ACCSL: variants seen among roughly 807,000 people sequenced by gnomAD.
The protein encoded by ACCSL is 1-aminocyclopropane-1-carboxylate synthase homolog (inactive) like, also known as probable inactive 1-aminocyclopropane-1-carboxylate synthase-like protein 2.
ACCSL carries 55 observed loss-of-function variants against 61.7 expected under a neutral mutation model. The ratio of observed to expected loss-of-function variants is 0.89; its 90% CI spans 0.72 to 1.12. ACCSL has a LOEUF of 1.12. ACCSL is among the 50% of genes most tolerant of loss of function. ACCSL has a pLI of 0.00. For synonymous variants in ACCSL, 258 were observed against 264.3 expected, an observed-to-expected ratio of 0.98 and a Z score of 0.23; for missense variants, 632 against 698.0, an observed-to-expected ratio of 0.91 and a Z score of 1.07.
the ACCSL span, among the ~76,000 whole-genome samples, chr11:44,030,600 G>C: frequency 6.6e-6 from 1 of 152,018 alleles, no homozygotes; most frequent in African/African-American, 2.4e-5. Context: ...TTCAATTTTT[G>C]TGTGTCCCTT....
the ACCSL span, among the ~76,000 whole-genome samples, chr11:43,998,142 T>A: frequency 1.3e-5 from 2 of 152,190 alleles, no homozygotes; most frequent in Non-Finnish European, 2.9e-5. Flanking sequence ...GACTTCACTA[T>A]TGTTGTGGAG....
chr11:44,040,576 A>G, the ACCSL span, among the ~76,000 whole-genome samples: 22 of 152,300 alleles, frequency 1.4e-4, no homozygotes, highest in Admixed American at 1.2e-3. Context: ...TGGTAAACAC[A>G]TTCAGTGAGG....
the ACCSL span, among the ~76,000 whole-genome samples, chr11:43,928,513 C>T: frequency 5.9e-5 from 9 of 152,126 alleles, no homozygotes; most frequent in African/African-American, 1.2e-4. Flanking sequence ...GTACCCCATC[C>T]GAGGAAACAG....
At chr11:44,031,028 C>T in the ACCSL span, among the ~76,000 whole-genome samples, 2 of 152,158 alleles carry the variant, frequency 1.3e-5, no homozygotes, top group Admixed American at 1.3e-4. Flanking sequence ...TGGAAGGCAC[C>T]TGACTGTTGT....
At chr11:43,998,019 G>C in the ACCSL span, among the ~76,000 whole-genome samples, 8,391 of 152,234 alleles carry the variant, frequency 0.055, 665 homozygotes, top group African/African-American at 0.18. Flanking sequence ...TGGTATTTTG[G>C]AGTTAGGCAA....
chr11:44,051,250 C>A, intron 3 of ACCSL, 85 bp from the exon 4 acceptor site: 1 of 1,390,070 alleles, frequency 7.2e-7, no homozygotes, highest in Non-Finnish European at 1.0e-6. Flanking sequence ...AGAAAAGGTC[C>A]CTGTTAGGCT....
the ACCSL span, among the ~76,000 whole-genome samples, chr11:43,922,433 TC>T: frequency 6.6e-6 from 1 of 152,216 alleles, no homozygotes; most frequent in Non-Finnish European, 1.5e-5. Flanking sequence ...GTGGAGCTGG[TC>T]ACAGCTGACC....
At chr11:43,991,361 A>G in the ACCSL span, among the ~76,000 whole-genome samples, 1 of 152,264 alleles carries the variant, frequency 6.6e-6, no homozygotes, top group Non-Finnish European at 1.5e-5. Flanking sequence ...ACAGCTGCAC[A>G]CACAAAGTGT....
At chr11:44,035,936 T>TAAAAAAAAAAAAAAAAA in the ACCSL span, among the ~76,000 whole-genome samples, 1 of 79,086 alleles carries the variant, frequency 1.3e-5, no homozygotes, top group Non-Finnish European at 2.4e-5. Context: ...AGACTCTGTG[T>TAAAAAAAAAAAAAAAAA]AAAAAAAAAA....
the ACCSL span, among the ~76,000 whole-genome samples, chr11:43,961,202 A>G: frequency 5.9e-5 from 9 of 152,040 alleles, no homozygotes; most frequent in African/African-American, 9.7e-5. Context: ...TTTTTGGGAC[A>G]TTGTTGAGAT....
the ACCSL span, among the ~76,000 whole-genome samples, chr11:43,973,449 TC>T: frequency 6.1e-5 from 9 of 147,814 alleles, no homozygotes; most frequent in African/African-American, 2.4e-4. Context: ...TATCTATCTA[TC>T]TATCTATCTA....
chr11:44,054,086 T>C (rs1952656192), intron 8 of ACCSL, among the ~76,000 whole-genome samples: 1 of 152,238 alleles, frequency 6.6e-6, no homozygotes, highest in Non-Finnish European at 1.5e-5. Flanking sequence ...AATTTGTTAC[T>C]TCTCTACTTA....
At chr11:44,034,306 G>A in the ACCSL span, among the ~76,000 whole-genome samples, 3 of 152,164 alleles carry the variant, frequency 2.0e-5, no homozygotes, top group African/African-American at 7.2e-5. Flanking sequence ...TTGGAAAAAA[G>A]CTTCCCAGTG....
chr11:44,011,923 T>C, the ACCSL span, among the ~76,000 whole-genome samples: 1 of 152,186 alleles, frequency 6.6e-6, no homozygotes, highest in South Asian at 2.1e-4. Context: ...TTATTTGAAG[T>C]ATTTGTGCAA....
the ACCSL span, among the ~76,000 whole-genome samples, chr11:43,996,287 T>A: frequency 6.6e-6 from 1 of 152,248 alleles, no homozygotes; most frequent in Non-Finnish European, 1.5e-5. Context: ...TAGATGGCTC[T>A]AACCTGGAGA....
chr11:44,058,032 G>A (rs1480784924), intron 11 of ACCSL, among the ~76,000 whole-genome samples: 1 of 152,230 alleles, frequency 6.6e-6, no homozygotes, highest in Admixed American at 6.5e-5. Context: ...AATAAGCTGG[G>A]TGTGGTGGCG....
At chr11:43,930,659 G>A in the ACCSL span, among the ~76,000 whole-genome samples, 4 of 152,078 alleles carry the variant, frequency 2.6e-5, no homozygotes, top group African/African-American at 4.8e-5. Flanking sequence ...TACAGCCTGC[G>A]GAATTGTATA....
the ACCSL span, among the ~76,000 whole-genome samples, chr11:44,036,386 T>C: frequency 0.85 from 129,015 of 152,290 alleles, 54,778 homozygotes; most frequent in African/African-American, 0.9. Flanking sequence ...GGAACCTCGC[T>C]GGGCCTCAGT....
chr11:43,943,871 T>C, the ACCSL span: 1 of 1,254,846 alleles, frequency 8.0e-7, no homozygotes. The surrounding 1 kb of genome is among the most constrained non-coding windows in gnomAD (Gnocchi z 4.8). Context: ...AGTCAATATA[T>C]TTGCACAGTG....
Sources: allele counts gnomAD v4.1 joint callset (sites outside exome capture counted in the v4.1 genomes callset), GRCh38; gene constraint gnomAD v4.1.1; non-coding constraint Gnocchi (gnomAD v3.1); transcripts MANE v1.5; gene names NCBI Gene and HGNC (gene_info 2026-07-23, HGNC 2026-07-21).